The following SCGN variants were observed in gnomAD, a reference collection of about 807,000 sequenced individuals.
The protein encoded by SCGN is secretagogin.
A neutral mutation model predicts 39.7 loss-of-function variants in SCGN; 30 were observed. The ratio of observed to expected loss-of-function variants is 0.76; its 90% CI spans 0.57 to 1.03. SCGN has a LOEUF of 1.03. Ranked by LOEUF, SCGN falls within the 50% of genes least tolerant of loss-of-function variation. SCGN has a pLI of 0.00. For synonymous variants in SCGN, 106 were observed against 114.1 expected (o/e 0.93, Z 0.45); for missense variants, 353 against 349.4 (o/e 1.01, Z -0.08).
chr6:25,666,348 T>A lies in SCGN; in HGVS notation c.336+1316T>A, dbSNP rs186050551. On this transcript the variant is annotated intron_variant, in intron 4 of 10. Transcript: ENST00000377961. ...CCAGCCTCAGTGACAAGAGGGAAACTCGGTCTCAAAAAAAAACAAAAATTC... is the reference window on the plus strand; with the variant it reads ...CCAGCCTCAGTGACAAGAGGGAAACACGGTCTCAAAAAAAAACAAAAATTC... 4.6e-3 allele frequency among the ~76,000 whole-genome samples: 693 copies of A among 152,026 alleles called. 2 individuals carry two copies. The highest frequency in any genetic ancestry group is 7.8e-3 in the Non-Finnish European group (528 of 67,960).
chr6:25,660,467 G>T (rs962207968), intron 2 of SCGN, among the ~76,000 whole-genome samples: 29 of 152,160 alleles, frequency 1.9e-4, no homozygotes, highest in African/African-American at 6.8e-4. Context: ...AGTCTTTTCT[G>T]GGTTTTATAC....
rs541326723 is a variant in SCGN, at chr6:25,661,831, A to C, written c.246+187A>C. Reference sequence around the variant, plus strand: ...TAAAAGTAATCACCTCTCCTTTTTCATCTACTTAGTAACAAAGAGTGTGCA... The same window carrying C: ...TAAAAGTAATCACCTCTCCTTTTTCCTCTACTTAGTAACAAAGAGTGTGCA... On this transcript the variant is annotated intron_variant, in intron 3 of 10. Coordinates refer to ENST00000377961, the MANE Select transcript of SCGN (RefSeq NM_006998.4). 3.8e-4 allele frequency among the ~76,000 whole-genome samples: 58 copies of C among 152,264 alleles called. No homozygotes were observed. The Middle Eastern group carries it at 0.01, about 27-fold the overall frequency.
intron 4 of SCGN, among the ~76,000 whole-genome samples, chr6:25,668,434 T>A (rs1163191689): frequency 6.6e-6 from 1 of 152,184 alleles, no homozygotes; most frequent in Non-Finnish European, 1.5e-5. Flanking sequence ...CTCACACTAA[T>A]AAGAGGAGTA....
intron 6 of SCGN, among the ~76,000 whole-genome samples, chr6:25,676,802 C>G (rs563427833): frequency 3.4e-4 from 52 of 152,206 alleles, no homozygotes; most frequent in African/African-American, 1.1e-3. Context: ...CTTTCCAAAT[C>G]AGCTCCATGA....
intron 6 of SCGN, among the ~76,000 whole-genome samples, chr6:25,676,949 A>C (rs1005412296): frequency 6.6e-6 from 1 of 152,190 alleles, no homozygotes; most frequent in Non-Finnish European, 1.5e-5. Flanking sequence ...GATCTACAAA[A>C]GCTTAAACTC....
rs1185085762 is a variant in SCGN, at chr6:25,689,223, T to C, written c.573+6T>C. The C allele has an allele frequency of 1.3e-6, 2 of 1,583,464 alleles. No individual in the cohort carries two copies. The highest frequency in any genetic ancestry group is 2.7e-5 in the African/African-American group (2 of 73,920). ...TTCTCCAATTTAAAATGGATGTAAG[T>C]AGTGACATTTCTCTAGATGGGTTTA... On this transcript the variant is annotated splice_donor_region_variant and intron_variant, in intron 8 of 10. Transcript: ENST00000377961.
chr6:25,658,058 G>T (rs78868002), intron 2 of SCGN, among the ~76,000 whole-genome samples: 1 of 67,452 alleles, frequency 1.5e-5, no homozygotes, highest in Admixed American at 2.2e-4. Flanking sequence ...TTTTTTTTTT[G>T]AGAGGGAGTG....
intron 6 of SCGN, among the ~76,000 whole-genome samples, chr6:25,676,854 G>C (rs1311864037): frequency 1.3e-5 from 2 of 152,172 alleles, no homozygotes; most frequent in Non-Finnish European, 2.9e-5. Flanking sequence ...AACAGTGCCT[G>C]CCACATAGTA....
chr6:25,682,072 T>C, intron 7 of SCGN, 66 bp downstream of exon 7: 1 of 1,251,204 alleles, frequency 8.0e-7, no homozygotes, highest in Admixed American at 1.7e-5. Flanking sequence ...TGACATCATA[T>C]ATTTCCTTTT....
At chr6:25,659,742 T>C (rs1439654764) in intron 2 of SCGN, among the ~76,000 whole-genome samples, 1 of 152,186 alleles carries the variant, frequency 6.6e-6, no homozygotes, top group African/African-American at 2.4e-5. Flanking sequence ...ACATTTGCCA[T>C]ATGCTGTCTT....
Position 25,701,572 on chromosome 6 carries a change from C to A in SCGN, c.*237C>A. 2.7e-6 allele frequency: 1 copy of A among 374,094 alleles called. No individual in the cohort carries two copies. The highest frequency in any genetic ancestry group is 5.1e-5 in the East Asian group (1 of 19,480). 23.2% of individuals were successfully genotyped at this position (374,094 alleles called of 1,614,324 possible). On this transcript the variant is annotated 3_prime_UTR_variant, in exon 11 of 11. Coordinates refer to ENST00000377961, the MANE Select transcript of SCGN (RefSeq NM_006998.4). ...CTTGACCCTGGGCTTTCCTATCCTC[C>A]CAAAGACTCAGCTCCCCTGTTAGAT...
At chr6:25,669,943 C>A in intron 5 of SCGN, 56 bp from the exon 6 acceptor site, 1 of 1,362,034 alleles carries the variant, frequency 7.3e-7, no homozygotes, top group Non-Finnish European at 1.0e-6. Flanking sequence ...CCTTTTAAGA[C>A]CTTTGCAGTT....
chr6:25,683,568 T>A (rs1446794206), intron 7 of SCGN, among the ~76,000 whole-genome samples: 1 of 152,196 alleles, frequency 6.6e-6, no homozygotes, highest in East Asian at 1.9e-4. Flanking sequence ...ATGCACAGAC[T>A]GTAACATATA....
intron 7 of SCGN, among the ~76,000 whole-genome samples, chr6:25,684,050 T>C (rs567528581): frequency 3.3e-5 from 5 of 152,338 alleles, no homozygotes; most frequent in South Asian, 2.1e-4. Context: ...CTAATATCCC[T>C]AGCCCTATGT....
At chr6:25,654,600 T>C (rs2151376237) in intron 2 of SCGN, among the ~76,000 whole-genome samples, 1 of 152,338 alleles carries the variant, frequency 6.6e-6, no homozygotes, top group South Asian at 2.1e-4. Context: ...TCTCTGTCTC[T>C]GTGTTTTCCC....
Position 25,701,313 on chromosome 6 carries a change from T to A in SCGN, c.809T>A (p.Leu270His). ...KIQKSELALCLGLKINP is the reference protein window; with the variant it reads ...KIQKSELALCHGLKINP ...CAGAAGTCTGAGCTGGCTTTGTGTC[T>A]TGGGCTGAAAATCAACCCATAATCC... The change falls in exon 11 of 11, where the codon CTT becomes CAT. Residue 270 changes from leucine to histidine, a missense_variant. Coordinates refer to ENST00000377961, the MANE Select transcript of SCGN (RefSeq NM_006998.4). 1 of 1,612,872 alleles carries A rather than the reference T, an allele frequency of 6.2e-7. No individual in the cohort carries two copies. Among genetic ancestry groups the A allele is most frequent in the Non-Finnish European group, 8.5e-7 (1 of 1,179,544 alleles).
At chr6:25,668,947 T>C (rs977563848) in intron 4 of SCGN, among the ~76,000 whole-genome samples, 1 of 151,964 alleles carries the variant, frequency 6.6e-6, no homozygotes, top group African/African-American at 2.4e-5. Flanking sequence ...CCATCTCTAC[T>C]AAAAATACCA....
chr6:25,672,520 G>T (rs895189581), intron 6 of SCGN, among the ~76,000 whole-genome samples: 7 of 152,152 alleles, frequency 4.6e-5, no homozygotes, highest in African/African-American at 1.4e-4. Context: ...TGTGAGGAGG[G>T]ACTGAGGGTA....
chr6:25,700,742 G>A (rs755140366), intron 10 of SCGN, among the ~76,000 whole-genome samples: 22 of 152,186 alleles, frequency 1.4e-4, no homozygotes, highest in Admixed American at 3.3e-4. Flanking sequence ...ATCCCTTGGA[G>A]TAAATATTAC....
Sources: allele counts gnomAD v4.1 joint callset (sites outside exome capture counted in the v4.1 genomes callset), GRCh38; gene constraint gnomAD v4.1.1; transcripts MANE v1.5; gene names NCBI Gene and HGNC (gene_info 2026-07-23, HGNC 2026-07-21).